The following PIK3AP1 variants were observed in gnomAD, a reference collection of about 807,000 sequenced individuals.
PIK3AP1 encodes the protein phosphoinositide-3-kinase adaptor protein 1.
A neutral mutation model predicts 88.1 loss-of-function variants in PIK3AP1; 21 were observed. That is an observed-to-expected ratio of 0.24 (90% confidence interval 0.17 to 0.34). The LOEUF (loss-of-function observed/expected upper bound fraction) is 0.34, where lower values mean the gene tolerates loss of function less well. Among genes scored for constraint, PIK3AP1 ranks in the 10% least tolerant of loss-of-function variants. PIK3AP1 has a pLI of 1.00. For synonymous variants in PIK3AP1, 398 were observed against 400.0 expected (o/e 1.00, Z 0.06); for missense variants, 828 against 1,035.7 (o/e 0.80, Z 2.75).
chr10:96,606,802 C>T (rs1194555759), intron 14 of PIK3AP1, among the ~76,000 whole-genome samples: 1 of 152,208 alleles, frequency 6.6e-6, no homozygotes, highest in African/African-American at 2.4e-5. Context: ...CTCTAGCATA[C>T]AGTCTAGCTC....
At chr10:96,659,975 G>A (rs1843664238) in intron 2 of PIK3AP1, among the ~76,000 whole-genome samples, 2 of 151,926 alleles carry the variant, frequency 1.3e-5, no homozygotes, top group Non-Finnish European at 1.5e-5. Context: ...ACGTCTTCTA[G>A]TAAAGTTTTA....
chr10:96,651,408 T>C (rs1554958203), intron 5 of PIK3AP1, 28 bp from the exon 6 acceptor site: 3 of 1,614,162 alleles, frequency 1.9e-6, no homozygotes, highest in African/African-American at 1.3e-5. Flanking sequence ...GATGGTCAGA[T>C]CTGAAATCCA....
chr10:96,685,876 C>T (rs976465700), intron 2 of PIK3AP1, among the ~76,000 whole-genome samples: 4 of 152,154 alleles, frequency 2.6e-5, no homozygotes, highest in African/African-American at 7.2e-5. Context: ...TGAAACTAGC[C>T]ACCAACAGAC....
intron 1 of PIK3AP1, among the ~76,000 whole-genome samples, chr10:96,718,958 G>T (rs1350332554): frequency 6.6e-6 from 1 of 152,128 alleles, no homozygotes; most frequent in Admixed American, 6.5e-5. Flanking sequence ...CCTCCCCCTG[G>T]AAATCTTGGC....
At chr10:96,675,890 C>T (rs559974928) in intron 2 of PIK3AP1, among the ~76,000 whole-genome samples, 33 of 152,270 alleles carry the variant, frequency 2.2e-4, no homozygotes, top group Middle Eastern at 6.8e-3. Context: ...GTTGCATACT[C>T]GTATTAGAAT....
intron 7 of PIK3AP1, among the ~76,000 whole-genome samples, chr10:96,646,022 G>A (rs1267161802): frequency 1.3e-5 from 2 of 152,192 alleles, no homozygotes; most frequent in Non-Finnish European, 2.9e-5. Context: ...GACTTTAGGA[G>A]GCCAAGGCAA....
intron 2 of PIK3AP1, among the ~76,000 whole-genome samples, chr10:96,664,434 A>G (rs1165961485): frequency 6.6e-6 from 1 of 152,180 alleles, no homozygotes; most frequent in African/African-American, 2.4e-5. Flanking sequence ...CCATAGTGAG[A>G]AAGCATTTCT....
Position 96,651,338 on chromosome 10 carries a change from G to A in PIK3AP1, c.898C>T (p.Leu300=), listed in dbSNP as rs1427646407. ...TTGTTCTTCAGGGATTCGGTTAGCA[G>A]TTTATCAAGGGTCTCTGTGTTGTAG... The part of the protein sequence containing the change: ...VPYNTETLDK[L]LTESLKNNIP... The change falls in exon 6 of 17, where the codon CTG becomes TTG. Residue 300 remains leucine, a synonymous_variant. Coordinates refer to ENST00000339364, the MANE Select transcript of PIK3AP1 (RefSeq NM_152309.3). 6.2e-6 allele frequency: 10 copies of A among 1,614,192 alleles called. No individual in the cohort carries two copies. The highest frequency in any genetic ancestry group is 8.5e-6 in the Non-Finnish European group (10 of 1,180,020).
chr10:96,627,653 G>T (rs1843173105), intron 9 of PIK3AP1, among the ~76,000 whole-genome samples: 1 of 152,098 alleles, frequency 6.6e-6, no homozygotes, highest in Non-Finnish European at 1.5e-5. Context: ...TTGATCAACA[G>T]ACCCCACCAT....
chr10:96,662,400 G>A (rs1032994521), intron 2 of PIK3AP1, among the ~76,000 whole-genome samples: 5 of 151,612 alleles, frequency 3.3e-5, no homozygotes, highest in African/African-American at 1.2e-4. Flanking sequence ...TCAGGAGCTC[G>A]AGATCAGCCT....
In PIK3AP1 at chr10:96,709,894, G is replaced by T. The variant is rs760519047; in HGVS notation, c.103C>A (p.Arg35=). The part of the protein sequence containing the change: ...QYLQTLFLSS[R]QVRSQKILTH... ...AGTATCTTCTGGCTGCGGACCTGCC[G>T]ACTGGACAGGAACAGGGTCTGCAGG... Residue 35 remains arginine (R), a synonymous_variant, in exon 2 of 17, where the codon CGG becomes AGG. Transcript: ENST00000339364. 2 of 1,613,474 alleles carry T rather than the reference G, an allele frequency of 1.2e-6. No individual in the cohort carries two copies. The highest frequency in any genetic ancestry group is 1.7e-6 in the Non-Finnish European group (2 of 1,179,952).
At chr10:96,705,730 A>G (rs1230644835) in intron 2 of PIK3AP1, among the ~76,000 whole-genome samples, 1 of 151,396 alleles carries the variant, frequency 6.6e-6, no homozygotes, top group Admixed American at 6.6e-5. Context: ...CAACAGGTAC[A>G]CACCACCATG....
In PIK3AP1 at chr10:96,615,887, C is replaced by T. The variant is rs551676331; in HGVS notation, c.2014+752G>A. Among the ~76,000 whole-genome samples the T allele has an allele frequency of 1.6e-4, 24 of 150,078 alleles. 1 individual carries two copies. The highest frequency in any genetic ancestry group is 4.6e-4 in the African/African-American group (19 of 41,266). ...CCGTGGAAGCTGTGCACAAACAGGG[C>T]TAGATTTTAACTTGGTTCTTCATGT... On this transcript the variant is annotated intron_variant, in intron 13 of 16. Coordinates refer to ENST00000339364, the MANE Select transcript of PIK3AP1 (RefSeq NM_152309.3).
intron 2 of PIK3AP1, among the ~76,000 whole-genome samples, chr10:96,669,165 G>A (rs1241896769): frequency 1.3e-5 from 2 of 151,938 alleles, no homozygotes; most frequent in Admixed American, 6.6e-5. Context: ...CCACACAAAT[G>A]GGGCAGGAAT....
rs749123449 is a variant in PIK3AP1, at chr10:96,602,435, A to T, written c.2242-37T>A. On this transcript the variant is annotated intron_variant, in intron 15 of 16. Coordinates refer to ENST00000339364, the MANE Select transcript of PIK3AP1 (RefSeq NM_152309.3). ...AAGATGAGAAAGAAAGGCGAAAACT[A>T]CATTCAGCAACCAGCATAGCTGGAC... 1.6e-5 allele frequency: 24 copies of T among 1,532,864 alleles called. No homozygotes were observed. The Admixed American group carries it at 3.7e-4, about 24-fold the overall frequency. The allele number at this position is 1,532,864 out of a possible 1,614,324, so 95.0% of individuals were successfully genotyped here.
intron 1 of PIK3AP1, among the ~76,000 whole-genome samples, chr10:96,716,680 CT>C (rs1253320778): frequency 1.3e-5 from 2 of 152,238 alleles, no homozygotes; most frequent in African/African-American, 4.8e-5. Flanking sequence ...CAATAATCCT[CT>C]TCCTTTAACC....
rs181524369 is a variant in PIK3AP1, at chr10:96,652,624, T to C, written c.712+74A>G. The C allele has an allele frequency of 5.3e-6, 8 of 1,513,834 alleles. No individual in the cohort carries two copies. The Admixed American group carries it at 7.2e-5, about 14-fold the overall frequency. The allele number at this position is 1,513,834 out of a possible 1,614,324, so 93.8% of individuals were successfully genotyped here. On this transcript the variant is annotated intron_variant, in intron 4 of 16. Transcript: ENST00000339364. Reference sequence around the variant, plus strand: ...ATATTTAAGATGATAATACCTGGCATTGGTGGCATTGGTGACAGCATAGCA... The same window carrying C: ...ATATTTAAGATGATAATACCTGGCACTGGTGGCATTGGTGACAGCATAGCA...
intron 2 of PIK3AP1, among the ~76,000 whole-genome samples, chr10:96,688,181 C>T (rs529055487): frequency 3.1e-4 from 47 of 152,160 alleles, no homozygotes; most frequent in South Asian, 6.2e-4. Flanking sequence ...ACAGGCACTT[C>T]AGGGCCTTTT....
At chr10:96,631,368 G>A (rs1843242320) in intron 8 of PIK3AP1, among the ~76,000 whole-genome samples, 1 of 152,258 alleles carries the variant, frequency 6.6e-6, no homozygotes, top group Middle Eastern at 3.4e-3. Context: ...CACTAACAAC[G>A]TTCAATTTGA....
Sources: allele counts gnomAD v4.1 joint callset (sites outside exome capture counted in the v4.1 genomes callset), GRCh38; gene constraint gnomAD v4.1.1; transcripts MANE v1.5; gene names NCBI Gene and HGNC (gene_info 2026-07-23, HGNC 2026-07-21).